Variants in CYP39A1 observed in about 807,000 individuals in gnomAD.
The protein encoded by CYP39A1 is cytochrome P450 family 39 subfamily A member 1.
CYP39A1 carries 49 observed loss-of-function variants against 58.1 expected under a neutral mutation model. That is an observed-to-expected ratio of 0.84 (90% confidence interval 0.67 to 1.07). The LOEUF is 1.07. Ranked by LOEUF, CYP39A1 falls within the 50% of genes least tolerant of loss-of-function variation. The probability of loss-of-function intolerance (pLI) is 0.00; values close to 1 mark genes in which losing one functional copy is unlikely to be tolerated. For synonymous variants in CYP39A1, 209 were observed against 187.6 expected, an observed-to-expected ratio of 1.11 and a Z score of -0.93; for missense variants, 531 against 539.4, an observed-to-expected ratio of 0.98 and a Z score of 0.16.
At chr6:46,616,573 A>C (rs1774623603) in intron 7 of CYP39A1, among the ~76,000 whole-genome samples, 1 of 152,072 alleles carries the variant, frequency 6.6e-6, no homozygotes, top group Admixed American at 6.5e-5. Flanking sequence ...GAGTTTACTT[A>C]TGTATTACAT....
chr6:46,637,786 G>A (rs1562014586), intron 4 of CYP39A1, 43 bp downstream of exon 4: 1 of 1,592,858 alleles, frequency 6.3e-7, no homozygotes, highest in Non-Finnish European at 8.5e-7. Flanking sequence ...GAATTGCTGA[G>A]ATAAGCTTGG....
chr6:46,617,468 C>T (rs1320055284), intron 7 of CYP39A1, among the ~76,000 whole-genome samples: 1 of 151,928 alleles, frequency 6.6e-6, no homozygotes, highest in Non-Finnish European at 1.5e-5. Context: ...GAATGTTACT[C>T]CAGGAACATT....
intron 6 of CYP39A1, among the ~76,000 whole-genome samples, chr6:46,630,506 C>T (rs1775593956): frequency 6.6e-6 from 1 of 152,114 alleles, no homozygotes; most frequent in Admixed American, 6.6e-5. Flanking sequence ...TAAATTACCA[C>T]CATGACAGTC....
At chr6:46,611,150 T>C (rs1156757688) in intron 7 of CYP39A1, among the ~76,000 whole-genome samples, 1 of 152,270 alleles carries the variant, frequency 6.6e-6, no homozygotes, top group Non-Finnish European at 1.5e-5. Context: ...CAGTCATTTC[T>C]GGCCTTCAGC....
At chr6:46,621,578 T>C (rs1461814871) in intron 7 of CYP39A1, among the ~76,000 whole-genome samples, 2 of 152,070 alleles carry the variant, frequency 1.3e-5, no homozygotes, top group Non-Finnish European at 2.9e-5. Context: ...GAAATGGACA[T>C]AGTCCTAAAA....
chr6:46,643,192 A>C (rs1194645368), intron 1 of CYP39A1, among the ~76,000 whole-genome samples: 1 of 152,182 alleles, frequency 6.6e-6, no homozygotes, highest in African/African-American at 2.4e-5. Context: ...TCTAAGTATA[A>C]TTTAGCAGTT....
At chr6:46,617,510 C>T (rs1774684761) in intron 7 of CYP39A1, among the ~76,000 whole-genome samples, 4 of 152,014 alleles carry the variant, frequency 2.6e-5, no homozygotes, top group Non-Finnish European at 2.9e-5. Context: ...ACCTCCAGAG[C>T]TATGCTTTAG....
chr6:46,559,910 T>C (rs1770883216), intron 10 of CYP39A1, among the ~76,000 whole-genome samples: 1 of 152,212 alleles, frequency 6.6e-6, no homozygotes, highest in Non-Finnish European at 1.5e-5. Flanking sequence ...ATGTGCTTTA[T>C]ATACTTCTAA....
intron 5 of CYP39A1, among the ~76,000 whole-genome samples, chr6:46,631,441 G>A (rs1223565307): frequency 6.6e-6 from 1 of 152,162 alleles, no homozygotes; most frequent in African/African-American, 2.4e-5. Context: ...CCTAAAAAGT[G>A]CTTAAAATAA....
At chr6:46,631,119 T>A (rs756635420) in intron 5 of CYP39A1, 49 bp from the exon 6 acceptor site, 14 of 1,327,428 alleles carry the variant, frequency 1.1e-5, no homozygotes, top group African/African-American at 2.9e-5. Flanking sequence ...GTGACAAATA[T>A]CGATGTTAAT....
intron 7 of CYP39A1, among the ~76,000 whole-genome samples, chr6:46,622,190 A>G (rs538296532): frequency 3.4e-4 from 51 of 151,962 alleles, no homozygotes; most frequent in South Asian, 2.1e-3. Context: ...ACAGAAAGTG[A>G]CTCCTAATGG....
At chr6:46,609,982 A>G (rs1774116473) in intron 7 of CYP39A1, among the ~76,000 whole-genome samples, 1 of 152,230 alleles carries the variant, frequency 6.6e-6, no homozygotes, top group South Asian at 2.1e-4. Flanking sequence ...AAAGATCATG[A>G]TGGTAGCTGT....
At chr6:46,562,977 T>A (rs996532039) in intron 10 of CYP39A1, among the ~76,000 whole-genome samples, 1 of 151,998 alleles carries the variant, frequency 6.6e-6, no homozygotes, top group Non-Finnish European at 1.5e-5. Context: ...AACTAGCTAT[T>A]AAGATAGTAT....
intron 7 of CYP39A1, among the ~76,000 whole-genome samples, chr6:46,605,547 G>A (rs191773674): frequency 1.6e-3 from 249 of 152,278 alleles, no homozygotes; most frequent in Middle Eastern, 6.8e-3. Context: ...GCAATGCAAT[G>A]CAGAAAACGT....
At position 46,575,521 on chromosome 6, in the gene CYP39A1, G is replaced by A. The variant is rs192294618; in HGVS notation, c.1250+11556C>T. Reference sequence around the variant, plus strand: ...TGGCAGATGCTGCATACCCATTGGAGCACTTTTGCATCTTGCCAGTGTGCA... The same window carrying A: ...TGGCAGATGCTGCATACCCATTGGAACACTTTTGCATCTTGCCAGTGTGCA... On this transcript the variant is annotated intron_variant, in intron 10 of 11. Transcript: ENST00000275016. Among the ~76,000 whole-genome samples the A allele has an allele frequency of 8.5e-5, 13 of 152,300 alleles. No homozygotes were observed. The East Asian group carries it at 1.7e-3, about 20-fold the overall frequency.
At chr6:46,618,840 G>T (rs1237483337) in intron 7 of CYP39A1, among the ~76,000 whole-genome samples, 1 of 152,038 alleles carries the variant, frequency 6.6e-6, no homozygotes, top group African/African-American at 2.4e-5. Flanking sequence ...GGGCAAGCTA[G>T]TTCTTCCAGT....
At chr6:46,563,635 T>A (rs1178166326) in intron 10 of CYP39A1, among the ~76,000 whole-genome samples, 1 of 151,488 alleles carries the variant, frequency 6.6e-6, no homozygotes, top group African/African-American at 2.4e-5. Flanking sequence ...AAATTTGGAG[T>A]CTGGAGAGCA....
chr6:46,600,924 A>C (rs1773457742), intron 7 of CYP39A1, among the ~76,000 whole-genome samples: 1 of 152,186 alleles, frequency 6.6e-6, no homozygotes, highest in Non-Finnish European at 1.5e-5. Flanking sequence ...CAAGTTGGAC[A>C]GAAGTGTGAA....
chr6:46,631,743 T>A (rs1750628955), intron 5 of CYP39A1, among the ~76,000 whole-genome samples: 1 of 152,198 alleles, frequency 6.6e-6, no homozygotes. Context: ...GAACGGACAT[T>A]TGACTTGAAC....
Sources: gnomAD v4.1 joint callset for allele counts (sites outside exome capture counted in the v4.1 genomes callset) on GRCh38, gnomAD v4.1.1 for gene constraint, MANE v1.5 for transcripts, NCBI Gene and HGNC (gene_info 2026-07-23, HGNC 2026-07-21) for gene names.